STXBP4: variants seen among roughly 807,000 people sequenced by gnomAD.
STXBP4 encodes syntaxin-binding protein 4.
Under a neutral mutation model 76.1 loss-of-function variants are expected in STXBP4, and 55 were observed. That is an observed-to-expected ratio of 0.72 (90% CI 0.58 to 0.91). STXBP4 has a LOEUF of 0.91. Ranked by LOEUF, STXBP4 falls within the 40% of genes least tolerant of loss-of-function variation. STXBP4 has a pLI of 0.00. For missense variants in STXBP4, 618 were observed against 636.9 expected (o/e 0.97, Z 0.32); for synonymous variants, 201 against 220.2 (o/e 0.91, Z 0.77).
intron 12 of STXBP4, among the ~76,000 whole-genome samples, chr17:55,070,084 T>G (rs1380100581): frequency 6.6e-6 from 1 of 152,182 alleles, no homozygotes; most frequent in African/African-American, 2.4e-5. Context: ...AAAAACATTT[T>G]CTGTAGTTGG....
intron 16 of STXBP4, among the ~76,000 whole-genome samples, chr17:55,117,849 T>G (rs1473054492): frequency 6.6e-6 from 1 of 151,922 alleles, no homozygotes; most frequent in Non-Finnish European, 1.5e-5. Context: ...TCCCTTCCTT[T>G]CACCAACAGA....
the STXBP4 span, among the ~76,000 whole-genome samples, chr17:55,179,655 TATGAAGATG>T: frequency 6.6e-6 from 1 of 152,154 alleles, no homozygotes. Flanking sequence ...CCCTATTCAA[TATGAAGATG>T]ATGAAGATGA....
intron 16 of STXBP4, among the ~76,000 whole-genome samples, chr17:55,134,587 A>G (rs2080008406): frequency 6.6e-6 from 1 of 152,058 alleles, no homozygotes; most frequent in Admixed American, 6.6e-5. Flanking sequence ...GGCTGAGGAG[A>G]GTCAGATGTG....
chr17:54,971,841 G>T (rs953787668), intron 1 of STXBP4, among the ~76,000 whole-genome samples: 3 of 151,798 alleles, frequency 2.0e-5, no homozygotes, highest in African/African-American at 4.8e-5. Context: ...GGGTTGCTCA[G>T]GCTGGTTTCA....
At position 55,165,515 on chromosome 17, in the gene STXBP4, C is replaced by CAGT. The variant is rs2080373194; in HGVS notation, c.*5605_*5606insGTA. On this transcript the variant is annotated 3_prime_UTR_variant, in exon 18 of 18. Coordinates refer to ENST00000376352, the MANE Select transcript of STXBP4 (RefSeq NM_178509.6). Reference sequence around the variant, plus strand: ...GAACCCAAAAGGATCACAGGAGTAGCAATAACACCTGCTGGACCTGAATGA... The same window carrying CAGT: ...GAACCCAAAAGGATCACAGGAGTAGCAGTAATAACACCTGCTGGACCTGAATGA... 1 of 147,704 alleles carries CAGT rather than the reference C, an allele frequency of 6.8e-6. No homozygotes were observed. Among genetic ancestry groups the CAGT allele is most frequent in the African/African-American group, 2.6e-5 (1 of 37,952 alleles). 9.1% of individuals were successfully genotyped at this position (147,704 alleles called of 1,614,324 possible). A position where few individuals can be genotyped will look rare whatever the true frequency, so the allele number is the denominator to read the frequency against.
intron 12 of STXBP4, among the ~76,000 whole-genome samples, chr17:55,054,166 T>G (rs1311429237): frequency 2.6e-5 from 4 of 152,102 alleles, no homozygotes; most frequent in African/African-American, 7.2e-5. Flanking sequence ...AAAAAATATA[T>G]AAACAAAAGA....
At chr17:55,065,540 A>G (rs1429718960) in intron 12 of STXBP4, among the ~76,000 whole-genome samples, 1 of 152,142 alleles carries the variant, frequency 6.6e-6, no homozygotes, top group Non-Finnish European at 1.5e-5. Flanking sequence ...AAAAGAGTTT[A>G]ATCTGCAATT....
intron 4 of STXBP4, among the ~76,000 whole-genome samples, chr17:54,992,955 C>T (rs575426409): frequency 3.9e-5 from 6 of 152,058 alleles, no homozygotes; most frequent in Non-Finnish European, 5.9e-5. Context: ...TCAGGCGATC[C>T]ATCCGCCTCA....
intron 1 of STXBP4, among the ~76,000 whole-genome samples, chr17:54,978,943 A>G (rs1007966238): frequency 6.6e-6 from 1 of 152,134 alleles, no homozygotes; most frequent in Non-Finnish European, 1.5e-5. Context: ...ATTGTTTTAC[A>G]TGATTATACT....
At chr17:55,117,965 G>T (rs560749937) in intron 16 of STXBP4, among the ~76,000 whole-genome samples, 1 of 151,964 alleles carries the variant, frequency 6.6e-6, no homozygotes, top group East Asian at 1.9e-4. Flanking sequence ...ACATTTTTTT[G>T]AAAGCTTACT....
intron 15 of STXBP4, among the ~76,000 whole-genome samples, chr17:55,080,235 T>C (rs1156912726): frequency 6.6e-6 from 1 of 152,186 alleles, no homozygotes; most frequent in Non-Finnish European, 1.5e-5. Context: ...CATTTCATGG[T>C]GTCTTAGTAA....
intron 16 of STXBP4, among the ~76,000 whole-genome samples, chr17:55,121,926 A>T (rs573055434): frequency 6.6e-6 from 1 of 152,140 alleles, no homozygotes; most frequent in African/African-American, 2.4e-5. Context: ...GGGATCAGCC[A>T]CTTAACACCT....
intron 16 of STXBP4, among the ~76,000 whole-genome samples, chr17:55,098,341 G>A (rs8076086): frequency 0.23 from 34,217 of 152,044 alleles, 4,026 homozygotes; most frequent in Middle Eastern, 0.36. Flanking sequence ...AGAAGTTTAT[G>A]TCTAACTAGC....
At chr17:54,997,221 A>G (rs1252300745) in intron 4 of STXBP4, among the ~76,000 whole-genome samples, 1 of 152,176 alleles carries the variant, frequency 6.6e-6, no homozygotes, top group African/African-American at 2.4e-5. Context: ...AGAAATTCAC[A>G]TGATCAGCTA....
intron 17 of STXBP4, among the ~76,000 whole-genome samples, chr17:55,141,827 C>T (rs1567780039): frequency 6.6e-6 from 1 of 152,130 alleles, no homozygotes; most frequent in Non-Finnish European, 1.5e-5. Flanking sequence ...CCACGCCCTG[C>T]AGATATAGTG....
intron 8 of STXBP4, among the ~76,000 whole-genome samples, chr17:55,017,725 G>C (rs942343455): frequency 1.1e-4 from 17 of 152,090 alleles, no homozygotes; most frequent in African/African-American, 4.1e-4. Context: ...TACTCTAGTC[G>C]GCCCTTGGCT....
intron 11 of STXBP4, chr17:55,043,551 T>A (rs1246549163): frequency 7.2e-7 from 1 of 1,393,360 alleles, no homozygotes; most frequent in African/African-American, 1.4e-5. Context: ...GTGTGAACAA[T>A]GGTTTTTGCT....
intron 16 of STXBP4, among the ~76,000 whole-genome samples, chr17:55,136,667 C>T (rs145636851): frequency 6.6e-6 from 1 of 152,058 alleles, no homozygotes; most frequent in South Asian, 2.1e-4. Flanking sequence ...GCAAATGTTG[C>T]AAATCAAGGC....
chr17:55,061,925 A>G (rs545661190), intron 12 of STXBP4, among the ~76,000 whole-genome samples: 15 of 152,218 alleles, frequency 9.9e-5, no homozygotes, highest in African/African-American at 3.6e-4. Context: ...GTCATGCAAG[A>G]TGAAACTACT....
Sources: allele counts gnomAD v4.1 joint callset (sites outside exome capture counted in the v4.1 genomes callset), GRCh38; gene constraint gnomAD v4.1.1; transcripts MANE v1.5; gene names NCBI Gene and HGNC (gene_info 2026-07-23, HGNC 2026-07-21).